FHIT: variants seen among roughly 807,000 people sequenced by gnomAD.
FHIT encodes bis(5'-adenosyl)-triphosphatase.
A neutral mutation model predicts 17.9 loss-of-function variants in FHIT; 19 were observed. The ratio of observed to expected loss-of-function variants is 1.06; its 90% CI spans 0.74 to 1.56. The LOEUF is 1.56. FHIT is among the 40% of genes most tolerant of loss of function. The pLI is 0.00. For missense variants in FHIT, 248 were observed against 189.2 expected (o/e 1.31, Z -1.82); for synonymous variants, 81 against 69.7 (o/e 1.16, Z -0.81).
At chr3:60,711,211 G>C (rs1295967451) in intron 4 of FHIT, among the ~76,000 whole-genome samples, 1 of 152,124 alleles carries the variant, frequency 6.6e-6, no homozygotes, top group Non-Finnish European at 1.5e-5. Context: ...GCAGCTGAGG[G>C]TCCTGTCTGT....
chr3:60,948,665 T>G (rs1435009596), intron 3 of FHIT, among the ~76,000 whole-genome samples: 2 of 152,168 alleles, frequency 1.3e-5, no homozygotes, highest in Admixed American at 6.5e-5. Flanking sequence ...GAATTATTAA[T>G]TCCCAACTCT....
At chr3:60,824,685 T>C (rs1364701283) in intron 3 of FHIT, among the ~76,000 whole-genome samples, 9 of 152,106 alleles carry the variant, frequency 5.9e-5, no homozygotes, top group Admixed American at 1.3e-4. Flanking sequence ...TGGGAGGTAA[T>C]TGAATCATGG....
intron 3 of FHIT, among the ~76,000 whole-genome samples, chr3:60,868,134 G>C (rs1553754249): frequency 6.6e-6 from 1 of 152,076 alleles, no homozygotes; most frequent in African/African-American, 2.4e-5. Flanking sequence ...ACTGCCTGTG[G>C]GTGATCTTTA....
intron 5 of FHIT, among the ~76,000 whole-genome samples, chr3:60,293,654 G>C (rs976559419): frequency 1.3e-5 from 2 of 152,116 alleles, no homozygotes; most frequent in Admixed American, 1.3e-4. Flanking sequence ...CTTGTTTAAT[G>C]CCATAAAAAG....
At chr3:60,721,648 G>A (rs1469837201) in intron 4 of FHIT, among the ~76,000 whole-genome samples, 2 of 152,086 alleles carry the variant, frequency 1.3e-5, no homozygotes, top group Non-Finnish European at 2.9e-5. Flanking sequence ...CATGATTCAT[G>A]AATATAAATT....
intron 4 of FHIT, among the ~76,000 whole-genome samples, chr3:60,817,648 C>A (rs1345842054): frequency 6.6e-6 from 1 of 151,918 alleles, no homozygotes; most frequent in Non-Finnish European, 1.5e-5. Flanking sequence ...TGCCATTTTT[C>A]TCTGGCTACT....
intron 5 of FHIT, among the ~76,000 whole-genome samples, chr3:60,250,090 A>G (rs1054529088): frequency 6.6e-6 from 1 of 152,102 alleles, no homozygotes; most frequent in Non-Finnish European, 1.5e-5. Context: ...TAGGGACATA[A>G]CCAAACCATA....
intron 5 of FHIT, among the ~76,000 whole-genome samples, chr3:60,344,866 G>T (rs1399520554): frequency 1.4e-5 from 2 of 146,474 alleles, no homozygotes; most frequent in Non-Finnish European, 3.0e-5. Context: ...TACATTTTAA[G>T]ATTTTTTCTT....
At chr3:60,693,286 T>A (rs1323619463) in intron 4 of FHIT, among the ~76,000 whole-genome samples, 1 of 152,236 alleles carries the variant, frequency 6.6e-6, no homozygotes, top group Admixed American at 6.5e-5. Context: ...AAAATGGGCA[T>A]ATTTTTCTAA....
chr3:60,179,511 C>A (rs1701828750), intron 5 of FHIT, among the ~76,000 whole-genome samples: 1 of 152,080 alleles, frequency 6.6e-6, no homozygotes, highest in Non-Finnish European at 1.5e-5. Flanking sequence ...CGTGACCTTC[C>A]CTTTGTGAGA....
chr3:60,319,826 G>A (rs899532155), intron 5 of FHIT, among the ~76,000 whole-genome samples: 1 of 152,146 alleles, frequency 6.6e-6, no homozygotes, highest in Non-Finnish European at 1.5e-5. Flanking sequence ...TTCATGCCAG[G>A]ATGGACTCCT....
chr3:61,048,369 A>G (rs1575912676), intron 2 of FHIT, among the ~76,000 whole-genome samples: 2 of 152,366 alleles, frequency 1.3e-5, no homozygotes, highest in African/African-American at 4.8e-5. Flanking sequence ...CAACAGACAC[A>G]TGAAAAAATG....
chr3:60,723,246 A>G (rs2041847839), intron 4 of FHIT, among the ~76,000 whole-genome samples: 1 of 152,140 alleles, frequency 6.6e-6, no homozygotes, highest in Admixed American at 6.5e-5. Flanking sequence ...TCTTCTATTC[A>G]TTGTGCAGAA....
intron 5 of FHIT, among the ~76,000 whole-genome samples, chr3:60,503,072 CAG>C (rs1315671533): frequency 6.6e-6 from 1 of 152,112 alleles, no homozygotes; most frequent in African/African-American, 2.4e-5. Flanking sequence ...GTGTCAGAAT[CAG>C]AAAAACATGT....
chr3:60,181,625 G>T (rs1029366702), intron 5 of FHIT, among the ~76,000 whole-genome samples: 1 of 152,182 alleles, frequency 6.6e-6, no homozygotes, highest in African/African-American at 2.4e-5. Flanking sequence ...TGTTAGTAAA[G>T]ACATGTTTAA....
At chr3:60,860,449 G>GAC (rs1703668807) in intron 3 of FHIT, among the ~76,000 whole-genome samples, 4 of 120,340 alleles carry the variant, frequency 3.3e-5, no homozygotes, top group African/African-American at 1.3e-4. Context: ...ATGTATATAT[G>GAC]ATACATATGT....
intron 5 of FHIT, among the ~76,000 whole-genome samples, chr3:60,449,961 G>A (rs868662409): frequency 2.4e-4 from 34 of 142,118 alleles, no homozygotes; most frequent in Non-Finnish European, 4.2e-4. Context: ...CGAGATCGGG[G>A]CACTGCACTC....
At chr3:61,025,946 T>A (rs2032709452) in intron 3 of FHIT, among the ~76,000 whole-genome samples, 1 of 152,226 alleles carries the variant, frequency 6.6e-6, no homozygotes, top group South Asian at 2.1e-4. Context: ...TATATGTTGA[T>A]GTTTACCCTA....
intron 5 of FHIT, among the ~76,000 whole-genome samples, chr3:60,430,997 A>C (rs1702870626): frequency 6.6e-6 from 1 of 152,068 alleles, no homozygotes; most frequent in Non-Finnish European, 1.5e-5. Context: ...AGATTACTTG[A>C]GGTCAACAGT....
Sources: allele counts gnomAD v4.1 joint callset (sites outside exome capture counted in the v4.1 genomes callset), GRCh38; gene constraint gnomAD v4.1.1; transcripts MANE v1.5; gene names NCBI Gene and HGNC (gene_info 2026-07-23, HGNC 2026-07-21).